Variants in PTPRD observed in about 807,000 individuals in gnomAD.
PTPRD encodes receptor-type tyrosine-protein phosphatase delta.
Under a neutral mutation model 214.5 loss-of-function variants are expected in PTPRD, and 34 were observed. The ratio of observed to expected loss-of-function variants is 0.16; its 90% CI spans 0.12 to 0.21. PTPRD has a LOEUF of 0.21. Among genes scored for constraint, PTPRD ranks in the 10% least tolerant of loss-of-function variants. The pLI is 1.00. For missense variants in PTPRD, 2,545 were observed against 2,398.7 expected (o/e 1.06, Z -1.27); for synonymous variants, 1,128 against 845.7 (o/e 1.33, Z -5.79).
At chr9:8,510,837 A>C (rs1251498032) in intron 21 of PTPRD, among the ~76,000 whole-genome samples, 2 of 152,132 alleles carry the variant, frequency 1.3e-5, no homozygotes, top group African/African-American at 4.8e-5. Context: ...ATGTATTTTT[A>C]AATTCCCAAC....
chr9:9,985,073 T>G (rs2095664183), intron 4 of PTPRD, among the ~76,000 whole-genome samples: 3 of 152,300 alleles, frequency 2.0e-5, no homozygotes, highest in East Asian at 1.9e-4. Context: ...TATACCCACA[T>G]GCAAATACAA....
intron 8 of PTPRD, among the ~76,000 whole-genome samples, chr9:9,428,502 A>T (rs1447220468): frequency 6.6e-6 from 1 of 152,186 alleles, no homozygotes; most frequent in Non-Finnish European, 1.5e-5. Flanking sequence ...AATGAGACAG[A>T]AAGTTAAGAA....
chr9:9,518,613 C>T (rs2096891621), intron 8 of PTPRD, among the ~76,000 whole-genome samples: 1 of 151,946 alleles, frequency 6.6e-6, no homozygotes, highest in Admixed American at 6.6e-5. Flanking sequence ...GGAGGAATAG[C>T]AAAAACCTGG....
At position 9,416,921 on chromosome 9, in the gene PTPRD, A is replaced by G. The variant is rs111591230; in HGVS notation, c.-236-19439T>C. On this transcript the variant is annotated intron_variant, in intron 8 of 45. Transcript: ENST00000381196. ...GGAAAATATTTGTTTTTTTCCCTCA[A>G]TACAAGTACTTTCACAATATAAATT... Among the ~76,000 whole-genome samples, 631 of 152,200 alleles carry G rather than the reference A, an allele frequency of 4.1e-3. 2 individuals are homozygous for G. Among genetic ancestry groups the G allele is most frequent in the African/African-American group, 0.014 (571 of 41,520 alleles).
At chr9:10,552,225 C>G (rs376499900) in intron 2 of PTPRD, among the ~76,000 whole-genome samples, 2 of 151,484 alleles carry the variant, frequency 1.3e-5, no homozygotes, top group South Asian at 4.2e-4. Flanking sequence ...GCAGGCCATT[C>G]GACACTAATA....
intron 7 of PTPRD, among the ~76,000 whole-genome samples, chr9:9,726,847 C>A (rs1413249359): frequency 6.6e-6 from 1 of 152,040 alleles, no homozygotes; most frequent in African/African-American, 2.4e-5. Context: ...GGAGTGTCAG[C>A]TGAAAATTGT....
intron 3 of PTPRD, among the ~76,000 whole-genome samples, chr9:10,112,106 A>C (rs1056718421): frequency 2.6e-5 from 4 of 152,222 alleles, no homozygotes; most frequent in Non-Finnish European, 5.9e-5. Flanking sequence ...GAAGCATGCC[A>C]GATTTCCCCT....
rs777596277 is a variant in PTPRD, at chr9:8,376,676, G to A, written c.4437C>T (p.Leu1479=). 80 of 1,612,958 alleles carry A rather than the reference G, an allele frequency of 5.0e-5. No homozygotes were observed. The highest frequency in any genetic ancestry group is 6.4e-5 in the Non-Finnish European group (76 of 1,179,350). ...CAGTATCAAGCAGCGTTACTTGAAC[G>A]AGTCCGTGGGTTTCTGTGCCTCTGC... The part of the protein sequence containing the change: ...WPSRGTETHG[L]VQVTLLDTVE... Residue 1479 remains leucine, a synonymous_variant, in exon 38 of 46, where the codon CTC becomes CTT. Coordinates refer to ENST00000381196, the MANE Select transcript of PTPRD (RefSeq NM_002839.4).
intron 2 of PTPRD, among the ~76,000 whole-genome samples, chr9:10,373,873 T>C (rs10959081): frequency 0.021 from 3,173 of 152,228 alleles, 36 homozygotes; most frequent in Non-Finnish European, 0.034. Context: ...CTCTTCATTT[T>C]ACCATATTTT....
In PTPRD at chr9:8,741,566, C is replaced by CTTTTTTTTTTTT. The variant is rs66547770; in HGVS notation, c.-103-7632_-103-7621dup. ...TCTATTATTTTAATCTCAGGCATTT[C>CTTTTTTTTTTTT]TTTTTTTTTTTTTTTTTTTTTTTTT... is the stretch of plus-strand genomic sequence containing the variant. On this transcript the variant is annotated intron_variant, in intron 11 of 45. Coordinates refer to ENST00000381196, the MANE Select transcript of PTPRD (RefSeq NM_002839.4). Among the ~76,000 whole-genome samples the CTTTTTTTTTTTT allele has an allele frequency of 2.1e-4, 15 of 70,642 alleles. 3 individuals are homozygous for CTTTTTTTTTTTT. The highest frequency in any genetic ancestry group is 2.7e-4 in the Non-Finnish European group (11 of 40,086). 46.3% of individuals were successfully genotyped at this position (70,642 alleles called of 152,430 possible).
At chr9:8,574,868 CA>C (rs1438168988) in intron 14 of PTPRD, among the ~76,000 whole-genome samples, 1 of 151,764 alleles carries the variant, frequency 6.6e-6, no homozygotes, top group African/African-American at 2.4e-5. Flanking sequence ...TAAGCAGTCA[CA>C]AATGTAAAAA....
chr9:10,083,531 T>G (rs899172858), intron 3 of PTPRD, among the ~76,000 whole-genome samples: 2 of 152,010 alleles, frequency 1.3e-5, no homozygotes, highest in Admixed American at 6.6e-5. Context: ...ATAAAACACA[T>G]TTTAATAAAA....
Position 8,341,614 on chromosome 9 carries a change from G to C in PTPRD, c.4947+79C>G, listed in dbSNP as rs1343611790. 9 of 1,502,990 alleles carry C rather than the reference G, an allele frequency of 6.0e-6. No homozygotes were observed. The East Asian group carries it at 2.0e-4, about 34-fold the overall frequency. 93.1% of individuals were successfully genotyped at this position (1,502,990 alleles called of 1,614,324 possible). On this transcript the variant is annotated intron_variant, in intron 40 of 45. Coordinates refer to ENST00000381196, the MANE Select transcript of PTPRD (RefSeq NM_002839.4). ...AATCTTGTACTTCACAAATTTGAAAGGTTAAAGTAAAGCCACGACTCAAAG... is the reference window on the plus strand; with the variant it reads ...AATCTTGTACTTCACAAATTTGAAACGTTAAAGTAAAGCCACGACTCAAAG...
intron 14 of PTPRD, among the ~76,000 whole-genome samples, chr9:8,582,843 C>T (rs1246158805): frequency 1.3e-5 from 2 of 151,952 alleles, no homozygotes; most frequent in East Asian, 3.9e-4. Flanking sequence ...AGTTGGTGGG[C>T]TTTGTTTTGT....
chr9:10,222,770 A>G (rs1407108581), intron 3 of PTPRD, among the ~76,000 whole-genome samples: 1 of 152,080 alleles, frequency 6.6e-6, no homozygotes, highest in African/African-American at 2.4e-5. Flanking sequence ...GTATATGAAA[A>G]TAGGTAGTAA....
chr9:8,912,497 C>A (rs2098755063), intron 11 of PTPRD, among the ~76,000 whole-genome samples: 1 of 151,990 alleles, frequency 6.6e-6, no homozygotes, highest in Non-Finnish European at 1.5e-5. Flanking sequence ...TGTCTGGGAC[C>A]AGGTTGAGAA....
intron 2 of PTPRD, among the ~76,000 whole-genome samples, chr9:10,406,788 T>A (rs1029165724): frequency 6.9e-6 from 1 of 145,142 alleles, no homozygotes; most frequent in Admixed American, 7.0e-5. Flanking sequence ...GCAAGAAAAA[T>A]AGATGTAAAA....
intron 5 of PTPRD, among the ~76,000 whole-genome samples, chr9:9,829,706 A>G (rs1481730255): frequency 6.6e-6 from 1 of 151,854 alleles, no homozygotes; most frequent in Non-Finnish European, 1.5e-5. Flanking sequence ...GCTGCAGATT[A>G]CAATTCTTTA....
At chr9:9,581,692 C>T (rs668026) in intron 7 of PTPRD, among the ~76,000 whole-genome samples, 48,215 of 151,942 alleles carry the variant, frequency 0.32, 8,008 homozygotes, top group African/African-American at 0.38. Context: ...ATCTTCTCAA[C>T]GTCTTAATCA....
Sources: allele counts gnomAD v4.1 joint callset (sites outside exome capture counted in the v4.1 genomes callset), GRCh38; gene constraint gnomAD v4.1.1; transcripts MANE v1.5; gene names NCBI Gene and HGNC (gene_info 2026-07-23, HGNC 2026-07-21).